The following TRERF1 variants were observed in gnomAD, a reference collection of about 807,000 sequenced individuals.
TRERF1 encodes transcriptional regulating factor 1.
A neutral mutation model predicts 122.9 loss-of-function variants in TRERF1; 27 were observed. The ratio of observed to expected loss-of-function variants is 0.22; its 90% CI spans 0.16 to 0.30. TRERF1 has a LOEUF of 0.30. Ranked by LOEUF, TRERF1 falls within the 10% of genes least tolerant of loss-of-function variation. The pLI is 1.00. For missense variants in TRERF1, 1,248 were observed against 1,560.3 expected (o/e 0.80, Z 3.37); for synonymous variants, 636 against 641.7 (o/e 0.99, Z 0.13).
In TRERF1 at chr6:42,246,573, C is replaced by T. The variant is rs371207024; in HGVS notation, c.2657-29G>A. 9.2e-6 allele frequency: 14 copies of T among 1,523,160 alleles called. No individual in the cohort carries two copies. In the African/African-American group the frequency reaches 1.5e-4, roughly 17 times the overall value. The allele number at this position is 1,523,160 out of a possible 1,614,324, so 94.4% of individuals were successfully genotyped here. The stretch of plus-strand genomic sequence containing the variant: ...CAACAAAACACAAACATCATAAGAA[C>T]AGCTCACAGTTCCCCCTGCTTTTAG... On this transcript the variant is annotated intron_variant, in intron 13 of 17. Coordinates refer to ENST00000372922, the Ensembl canonical transcript of TRERF1.
At position 42,259,327 on chromosome 6, in the gene TRERF1, G is replaced by C; in HGVS notation, c.2269+12C>G. 1 of 1,494,832 alleles carries C rather than the reference G, an allele frequency of 6.7e-7. No individual in the cohort carries two copies. The highest frequency in any genetic ancestry group is 8.8e-7 in the Non-Finnish European group (1 of 1,131,840). 92.6% of individuals were successfully genotyped at this position (1,494,832 alleles called of 1,614,324 possible). A position where few individuals can be genotyped will look rare whatever the true frequency, so the allele number is the denominator to read the frequency against. On this transcript the variant is annotated intron_variant, in intron 9 of 17. Transcript: ENST00000372922. The surrounding 1 kb of genome is among the most constrained non-coding windows in gnomAD (Gnocchi z 4.9). The stretch of plus-strand genomic sequence containing the variant: ...ACCCAGAGCCCAGGAGGACGCTAAA[G>C]GGGTGACTCACTGGAGCGACACAGC...
At chr6:42,261,292 A>G (rs149256224) in intron 8 of TRERF1, among the ~76,000 whole-genome samples, 11 of 152,242 alleles carry the variant, frequency 7.2e-5, no homozygotes, top group African/African-American at 2.6e-4. Flanking sequence ...CAGACCTCTG[A>G]TCACAGGGCC....
At chr6:42,375,490 C>G (rs1774678891) in intron 2 of TRERF1, among the ~76,000 whole-genome samples, 1 of 152,246 alleles carries the variant, frequency 6.6e-6, no homozygotes, top group African/African-American at 2.4e-5. Context: ...CGCTGCTCCT[C>G]ATGCCCTCAC....
intron 4 of TRERF1, among the ~76,000 whole-genome samples, chr6:42,287,139 T>C (rs1461253672): frequency 9.4e-6 from 1 of 106,330 alleles, no homozygotes; most frequent in Non-Finnish European, 1.8e-5. Context: ...CTGGGGACTG[T>C]TGTGGGGTGG....
chr6:42,426,266 A>G (rs1783622820), intron 2 of TRERF1, among the ~76,000 whole-genome samples: 1 of 152,240 alleles, frequency 6.6e-6, no homozygotes, highest in Non-Finnish European at 1.5e-5. Context: ...AATACTATGT[A>G]GCCACTAAAA....
At chr6:42,369,597 C>CT (rs947346429) in intron 2 of TRERF1, among the ~76,000 whole-genome samples, 1 of 151,620 alleles carries the variant, frequency 6.6e-6, no homozygotes, top group Non-Finnish European at 1.5e-5. Context: ...TTTGCTAAAA[C>CT]TTTTTTTTTA....
chr6:42,418,518 G>A lies in TRERF1; in HGVS notation c.-454+32659C>T, dbSNP rs530211492. On this transcript the variant is annotated intron_variant, in intron 2 of 17. Transcript: ENST00000372922. Reference sequence around the variant, plus strand: ...ACTCCTGACATCAGGTGATCCACCCGCCTCAGCCTCCCAAAGTGCTGGGGT... The same window carrying A: ...ACTCCTGACATCAGGTGATCCACCCACCTCAGCCTCCCAAAGTGCTGGGGT... 3.3e-5 allele frequency among the ~76,000 whole-genome samples: 5 copies of A among 152,006 alleles called. No homozygotes were observed. In the East Asian group the frequency reaches 9.7e-4, roughly 29 times the overall value.
intron 2 of TRERF1, among the ~76,000 whole-genome samples, chr6:42,380,732 A>G (rs1253165013): frequency 6.6e-6 from 1 of 152,180 alleles, no homozygotes; most frequent in African/African-American, 2.4e-5. Flanking sequence ...CCAACCCAGG[A>G]AACAGCCACG....
At chr6:42,350,586 T>C (rs1330623531) in intron 3 of TRERF1, among the ~76,000 whole-genome samples, 2 of 152,164 alleles carry the variant, frequency 1.3e-5, no homozygotes, top group Non-Finnish European at 2.9e-5. Context: ...CCCCAAATCC[T>C]TCCTGTCAAG....
chr6:42,382,504 T>G (rs536736001), intron 2 of TRERF1, among the ~76,000 whole-genome samples: 2 of 151,544 alleles, frequency 1.3e-5, no homozygotes, highest in Admixed American at 1.3e-4. Context: ...TCTGAAAAGT[T>G]AGGACACAGG....
chr6:42,328,389 T>A (rs1403680466), intron 3 of TRERF1, among the ~76,000 whole-genome samples: 1 of 152,102 alleles, frequency 6.6e-6, no homozygotes, highest in African/African-American at 2.4e-5. Flanking sequence ...TGCAGGTTTG[T>A]TATGTGGGTA....
intron 4 of TRERF1, among the ~76,000 whole-genome samples, chr6:42,277,908 A>AGAAGGAAGAAG (rs1554141684): frequency 2.1e-5 from 1 of 48,768 alleles, no homozygotes; most frequent in African/African-American, 8.8e-5. Context: ...GGAAGAAGGA[A>AGAAGGAAGAAG]GAAGAAGAAG....
chr6:42,436,360 C>T (rs1172710848), intron 2 of TRERF1, among the ~76,000 whole-genome samples: 1 of 129,260 alleles, frequency 7.7e-6, no homozygotes, highest in African/African-American at 2.5e-5. Flanking sequence ...CAGAGTGAGA[C>T]TCCGTCTCAA....
intron 4 of TRERF1, among the ~76,000 whole-genome samples, chr6:42,297,422 TAA>T (rs930188524): frequency 1.3e-5 from 2 of 152,178 alleles, no homozygotes; most frequent in African/African-American, 4.8e-5. Context: ...CTGGAGATTC[TAA>T]GTTTCCCAAT....
chr6:42,333,306 T>A (rs1229836632), intron 3 of TRERF1, among the ~76,000 whole-genome samples: 1 of 152,228 alleles, frequency 6.6e-6, no homozygotes, highest in Non-Finnish European at 1.5e-5. Context: ...TTGGGTCAAA[T>A]GATGTTTTAG....
intron 3 of TRERF1, among the ~76,000 whole-genome samples, chr6:42,346,659 C>A (rs988502012): frequency 3.3e-5 from 5 of 152,210 alleles, no homozygotes; most frequent in African/African-American, 1.2e-4. Context: ...TTGCAGGGGG[C>A]AGAAAAGAGA....
chr6:42,271,382 C>T (rs984311604), intron 4 of TRERF1, among the ~76,000 whole-genome samples: 1 of 151,998 alleles, frequency 6.6e-6, no homozygotes, highest in Non-Finnish European at 1.5e-5. Context: ...AAATGCTGAT[C>T]CTTGTCTCAT....
intron 2 of TRERF1, among the ~76,000 whole-genome samples, chr6:42,406,355 C>T (rs938133257): frequency 1.3e-5 from 2 of 152,186 alleles, no homozygotes; most frequent in African/African-American, 2.4e-5. Flanking sequence ...CCTCACTCCA[C>T]GGAAGAAGAT....
chr6:42,394,427 G>A (rs1315001190), intron 2 of TRERF1, among the ~76,000 whole-genome samples: 1 of 152,210 alleles, frequency 6.6e-6, no homozygotes, highest in Non-Finnish European at 1.5e-5. Context: ...CATGTGCTGT[G>A]CAGTAAGCCA....
Sources: gnomAD v4.1 joint callset for allele counts (sites outside exome capture counted in the v4.1 genomes callset) on GRCh38, gnomAD v4.1.1 for gene constraint, Gnocchi (gnomAD v3.1) non-coding constraint, MANE v1.5 for transcripts, NCBI Gene and HGNC (gene_info 2026-07-23, HGNC 2026-07-21) for gene names.